Variants in DST observed in about 807,000 individuals in gnomAD.
DST encodes the protein dystonin.
Under a neutral mutation model 875.2 loss-of-function variants are expected in DST, and 253 were observed. The observed-to-expected ratio is 0.29, with a 90% CI of 0.26 to 0.32. DST has a LOEUF of 0.32. Ranked by LOEUF, DST falls within the 10% of genes least tolerant of loss-of-function variation. The pLI, the probability that DST is intolerant of heterozygous loss-of-function variation, is 1.00. For missense variants in DST, 8,287 were observed against 9,111.6 expected (o/e 0.91, Z 3.68); for synonymous variants, 3,124 against 3,197.1 (o/e 0.98, Z 0.77).
intron 4 of DST, among the ~76,000 whole-genome samples, chr6:56,754,708 A>G (rs1049185735): frequency 5.9e-5 from 9 of 152,214 alleles, no homozygotes; most frequent in Non-Finnish European, 1.0e-4. Context: ...TTAAAAAATT[A>G]AATCTTTGAC....
chr6:56,484,772 C>T (rs1282715337), intron 88 of DST: 1 of 152,256 alleles, frequency 6.6e-6, no homozygotes, highest in African/African-American at 2.4e-5. Context: ...AGCCAGTTTT[C>T]TCGAAGTAAA....
intron 2 of DST, among the ~76,000 whole-genome samples, chr6:56,942,397 T>C (rs1817063964): frequency 6.6e-6 from 1 of 152,162 alleles, no homozygotes. Context: ...TTCGTTCCTG[T>C]GTTCCCTTTT....
intron 4 of DST, among the ~76,000 whole-genome samples, chr6:56,832,203 T>TA (rs1260274535): frequency 1.3e-5 from 2 of 152,170 alleles, no homozygotes; most frequent in Non-Finnish European, 2.9e-5. Context: ...TGAGATTGTT[T>TA]AAAGGACACT....
At chr6:56,475,901 C>T (rs914915181) in intron 92 of DST, among the ~76,000 whole-genome samples, 1 of 151,998 alleles carries the variant, frequency 6.6e-6, no homozygotes, top group Admixed American at 6.6e-5. Flanking sequence ...CAGGAGTGAA[C>T]GTGAGACAAT....
intron 102 of DST, among the ~76,000 whole-genome samples, chr6:56,462,562 A>C (rs1289689775): frequency 6.6e-6 from 1 of 152,202 alleles, no homozygotes; most frequent in Admixed American, 6.5e-5. Flanking sequence ...TGTAACAGAC[A>C]TCCAGAAGGA....
chr6:56,794,358 T>C (rs941076321), intron 4 of DST, among the ~76,000 whole-genome samples: 2 of 152,182 alleles, frequency 1.3e-5, no homozygotes, highest in Non-Finnish European at 2.9e-5. Context: ...GAAAACACAT[T>C]ACGTTGACAG....
At chr6:56,660,445 CCA>C (rs2099033123) in intron 10 of DST, among the ~76,000 whole-genome samples, 1 of 152,114 alleles carries the variant, frequency 6.6e-6, no homozygotes, top group African/African-American at 2.4e-5. Context: ...GACACATATG[CCA>C]CTTAACATCT....
At chr6:56,722,980 A>C (rs964929935) in intron 5 of DST, among the ~76,000 whole-genome samples, 2 of 152,230 alleles carry the variant, frequency 1.3e-5, no homozygotes, top group African/African-American at 4.8e-5. Context: ...GAAAGAGAAT[A>C]TGTTAGAAAT....
Position 56,605,040 on chromosome 6 carries a change from T to C in DST, c.9588A>G (p.Val3196=), listed in dbSNP as rs1434092373. The change falls in exon 40 of 104, where the codon GTA becomes GTG. Residue 3196 remains valine, a synonymous_variant. Transcript: ENST00000680361. ...HCAKNIKAKD[V]AKPNEDVPSH... is the part of the protein sequence containing the mutation. ...TTGGGACATCTTCATTTGGTTTGGC[T>C]ACATCTTTTGCTTTTATATTTTTAG... 6 of 1,612,934 alleles carry C rather than the reference T, an allele frequency of 3.7e-6. No homozygotes were observed. In the East Asian group the frequency reaches 1.3e-4, roughly 36 times the overall value.
At position 56,466,205 on chromosome 6, in the gene DST, GAAGA is replaced by G; in HGVS notation, c.22570-14_22570-11del. On this transcript the variant is annotated splice_polypyrimidine_tract_variant and intron_variant, in intron 98 of 103. Transcript: ENST00000680361. ...GCTGGGAGTCTCCAAACTGTTCAGTGAAGAAAGAAAGAACCTCTAGTTGTCAATA... is the reference window on the plus strand; with the variant it reads ...GCTGGGAGTCTCCAAACTGTTCAGTGAAGAAAGAACCTCTAGTTGTCAATA... The G allele has an allele frequency of 6.4e-7, 1 of 1,567,256 alleles. No individual in the cohort carries two copies. Among genetic ancestry groups the G allele is most frequent in the Admixed American group, 1.9e-5 (1 of 53,828 alleles).
intron 4 of DST, among the ~76,000 whole-genome samples, chr6:56,751,388 A>C (rs988010884): frequency 2.0e-5 from 3 of 152,238 alleles, no homozygotes; most frequent in African/African-American, 7.2e-5. Context: ...GTGGTAAGAT[A>C]ATCAGTAATT....
chr6:56,636,712 T>C, intron 22 of DST, 60 bp from the exon 23 acceptor site: 1 of 1,275,468 alleles, frequency 7.8e-7, no homozygotes. Context: ...CACATACCTT[T>C]TGATATCGAT....
intron 3 of DST, among the ~76,000 whole-genome samples, chr6:56,882,031 T>C (rs1252420151): frequency 6.6e-6 from 1 of 152,244 alleles, no homozygotes; most frequent in Middle Eastern, 3.2e-3. Context: ...AGGTCGAATG[T>C]ATAATTTTTG....
At chr6:56,507,249 G>C (rs2096346089) in intron 75 of DST, among the ~76,000 whole-genome samples, 1 of 152,162 alleles carries the variant, frequency 6.6e-6, no homozygotes, top group South Asian at 2.1e-4. Context: ...GGTAGGACCT[G>C]TAAGGTACAA....
chr6:56,671,308 TC>T (rs1301623694), intron 9 of DST, among the ~76,000 whole-genome samples: 3 of 152,164 alleles, frequency 2.0e-5, no homozygotes, highest in Admixed American at 1.3e-4. Context: ...TTCAAGTAGA[TC>T]AGAGGTAAAA....
chr6:56,809,890 G>C (rs1237263552), intron 4 of DST, among the ~76,000 whole-genome samples: 6 of 152,082 alleles, frequency 3.9e-5, no homozygotes, highest in Non-Finnish European at 8.8e-5. Context: ...AAATTTTTAG[G>C]AATTTTAAAT....
intron 55 of DST, among the ~76,000 whole-genome samples, chr6:56,567,870 A>C (rs2097708674): frequency 6.6e-6 from 1 of 152,234 alleles, no homozygotes; most frequent in African/African-American, 2.4e-5. Flanking sequence ...TAACTTGCTT[A>C]AATTAATTTT....
chr6:56,628,310 T>C (rs1160074705), intron 32 of DST, 149 bp from the exon 33 acceptor site: 8 of 681,694 alleles, frequency 1.2e-5, no homozygotes, highest in Non-Finnish European at 2.1e-5. Context: ...TGCAGCACCC[T>C]GAGGCACACC....
intron 22 of DST, among the ~76,000 whole-genome samples, chr6:56,638,131 T>G (rs900060056): frequency 6.6e-6 from 1 of 152,126 alleles, no homozygotes; most frequent in Non-Finnish European, 1.5e-5. Flanking sequence ...AATTTTTACA[T>G]AAAAGTGATC....
Sources: allele counts gnomAD v4.1 joint callset (sites outside exome capture counted in the v4.1 genomes callset), GRCh38; gene constraint gnomAD v4.1.1; transcripts MANE v1.5; gene names NCBI Gene and HGNC (gene_info 2026-07-23, HGNC 2026-07-21).